Variants in GLI2 observed in about 807,000 individuals in gnomAD.
GLI2 encodes the protein transcription activator GLI2.
Under a neutral mutation model 78.9 loss-of-function variants are expected in GLI2, and 22 were observed. That is an observed-to-expected ratio of 0.28 (90% CI 0.20 to 0.40). The LOEUF is 0.40. Among genes scored for constraint, GLI2 ranks in the 10% least tolerant of loss-of-function variants. The pLI is 1.00. For missense variants in GLI2, 2,097 were observed against 2,213.2 expected, an observed-to-expected ratio of 0.95 and a Z score of 1.05; for synonymous variants, 974 against 963.7, an observed-to-expected ratio of 1.01 and a Z score of -0.20.
At chr2:120,897,575 C>G (rs2104770853) in intron 2 of GLI2, among the ~76,000 whole-genome samples, 1 of 152,280 alleles carries the variant, frequency 6.6e-6, no homozygotes. Context: ...GGTTTCTAGT[C>G]TCCTCTGGAT....
intron 2 of GLI2, among the ~76,000 whole-genome samples, chr2:120,897,138 C>CCGCCA (rs1558866217): frequency 6.6e-6 from 1 of 152,228 alleles, no homozygotes; most frequent in African/African-American, 2.4e-5. Flanking sequence ...CACGCTCCAG[C>CCGCCA]CGCCACGCCC....
chr2:120,928,951 T>C (rs892296398), intron 3 of GLI2, among the ~76,000 whole-genome samples: 33 of 152,168 alleles, frequency 2.2e-4, no homozygotes, highest in African/African-American at 7.2e-4. Flanking sequence ...TAGTGTCTTT[T>C]TTTCCTGGTT....
At chr2:120,899,607 G>A (rs578260151) in intron 2 of GLI2, among the ~76,000 whole-genome samples, 1 of 152,288 alleles carries the variant, frequency 6.6e-6, no homozygotes, top group South Asian at 2.1e-4. Context: ...AACTGAGGGT[G>A]ACTGTGGGCG....
intron 3 of GLI2, among the ~76,000 whole-genome samples, chr2:120,944,494 C>T (rs1478652858): frequency 6.6e-6 from 1 of 152,244 alleles, no homozygotes; most frequent in Non-Finnish European, 1.5e-5. Context: ...AGTCCAGATT[C>T]TGCTTATCAG....
chr2:120,964,058 C>T (rs964682872), intron 5 of GLI2, among the ~76,000 whole-genome samples: 26 of 152,288 alleles, frequency 1.7e-4, no homozygotes, highest in African/African-American at 5.3e-4. Flanking sequence ...AGGATTTGGG[C>T]TCCTAATGCA....
intron 2 of GLI2, among the ~76,000 whole-genome samples, chr2:120,894,126 C>T (rs1677822927): frequency 6.6e-6 from 1 of 152,222 alleles, no homozygotes; most frequent in Admixed American, 6.5e-5. Context: ...CAGCTGAGTT[C>T]CTTTCTCTCT....
At chr2:120,780,804 C>T (rs1027775475) in intron 1 of GLI2, among the ~76,000 whole-genome samples, 1 of 152,222 alleles carries the variant, frequency 6.6e-6, no homozygotes, top group African/African-American at 2.4e-5. Flanking sequence ...ATGTGGTTCT[C>T]TCCTCTCCCA....
chr2:120,825,026 G>A (rs192051739), intron 2 of GLI2, among the ~76,000 whole-genome samples: 11 of 152,234 alleles, frequency 7.2e-5, no homozygotes, highest in African/African-American at 2.6e-4. Context: ...TATAGAGACA[G>A]GGTTTCAACT....
At chr2:120,841,320 C>T (rs1234634276) in intron 2 of GLI2, among the ~76,000 whole-genome samples, 1 of 152,170 alleles carries the variant, frequency 6.6e-6, no homozygotes, top group Non-Finnish European at 1.5e-5. Context: ...GGCTTCTACG[C>T]TCCATACTAA....
intron 3 of GLI2, among the ~76,000 whole-genome samples, chr2:120,946,769 G>A (rs1251939987): frequency 6.6e-6 from 1 of 152,188 alleles, no homozygotes; most frequent in Non-Finnish European, 1.5e-5. Context: ...CCTGGGATGG[G>A]GGCAAGTGTC....
chr2:120,989,712 C>A lies in GLI2; in HGVS notation c.3747C>A (p.Phe1249Leu). ...PSTISGALNQ[F>L]PQSCSNMPAK... Reference sequence around the variant, plus strand: ...CCATCAGTGGGGCCCTCAACCAGTTCCCCCAATCCTGCAGCAACATGCCAG... The same window carrying A: ...CCATCAGTGGGGCCCTCAACCAGTTACCCCAATCCTGCAGCAACATGCCAG... Residue 1249 changes from phenylalanine to leucine, a missense_variant, in exon 14 of 14, where the codon TTC becomes TTA. By Grantham distance (22) the Phe-to-Leu change is conservative. Transcript: ENST00000361492. 6.2e-7 allele frequency: 1 copy of A among 1,613,252 alleles called. No homozygotes were observed. The highest frequency in any genetic ancestry group is 8.5e-7 in the Non-Finnish European group (1 of 1,179,964).
chr2:120,799,691 C>T (rs1184191041), intron 2 of GLI2, among the ~76,000 whole-genome samples: 1 of 152,220 alleles, frequency 6.6e-6, no homozygotes, highest in African/African-American at 2.4e-5. Flanking sequence ...GTGTTGTCCA[C>T]AGTCTTTATG....
rs1684009578 is a variant in GLI2 at position 120,786,772 on chromosome 2, CGATTA to C, written c.-30-10518_-30-10514del. On this transcript the variant is annotated intron_variant, in intron 1 of 13. Transcript: ENST00000361492. ...GCCTCCTGCAGCAGACATTAGAAGTCGATTACTGCACTTTTCCTGACCTAAGAGAT... is the reference window on the plus strand; with the variant it reads ...GCCTCCTGCAGCAGACATTAGAAGTCCTGCACTTTTCCTGACCTAAGAGAT... Among the ~76,000 whole-genome samples, 3 of 152,272 alleles carry C rather than the reference CGATTA, an allele frequency of 2.0e-5. No homozygotes were observed. In the East Asian group the frequency reaches 5.8e-4, roughly 29 times the overall value.
chr2:120,923,408 T>G (rs1054558915), intron 2 of GLI2, among the ~76,000 whole-genome samples: 3 of 148,316 alleles, frequency 2.0e-5, no homozygotes, highest in Non-Finnish European at 4.5e-5. Flanking sequence ...AACATGCATG[T>G]ACATATACAC....
At chr2:120,919,058 G>A (rs568726920) in intron 2 of GLI2, among the ~76,000 whole-genome samples, 178 of 152,220 alleles carry the variant, frequency 1.2e-3, no homozygotes, top group Middle Eastern at 3.4e-3. Flanking sequence ...CTACACTAGC[G>A]CCTTCTTTTG....
rs527824387 is a variant in GLI2 at position 120,890,841 on chromosome 2, G to A, written c.149-36520G>A. Reference sequence around the variant, plus strand: ...GCTGGTGGGTTATAGCGAGGTGGGGGCACGGGTCCCCCCAAAGCTTGGCTT... The same window carrying A: ...GCTGGTGGGTTATAGCGAGGTGGGGACACGGGTCCCCCCAAAGCTTGGCTT... On this transcript the variant is annotated intron_variant, in intron 2 of 13. Transcript: ENST00000361492. Among the ~76,000 whole-genome samples, 4 of 152,292 alleles carry A rather than the reference G, an allele frequency of 2.6e-5. No homozygotes were observed. In the South Asian group the frequency reaches 8.3e-4, roughly 32 times the overall value.
In GLI2 at chr2:120,988,848, C is replaced by T; in HGVS notation, c.2883C>T (p.Ala961=). 1 of 1,488,784 alleles carries T rather than the reference C, an allele frequency of 6.7e-7. No homozygotes were observed. 92.2% of individuals were successfully genotyped at this position (1,488,784 alleles called of 1,614,324 possible). The stretch of plus-strand genomic sequence containing the variant: ...GCGACCCTGTGCGGCGGCCCGATGC[C>T]CTGTCCCTGCCGCGGGTGCAGCGCT... ...RASDPVRRPD[A]LSLPRVQRFH... is the part of the protein sequence containing the mutation. Residue 961 remains alanine, a synonymous_variant, in exon 14 of 14, where the codon GCC becomes GCT. Transcript: ENST00000361492.
At position 120,990,798 on chromosome 2, in the gene GLI2, T is replaced by G; in HGVS notation, c.*123T>G. On this transcript the variant is annotated 3_prime_UTR_variant, in exon 14 of 14. Coordinates refer to ENST00000361492, the MANE Select transcript of GLI2 (RefSeq NM_001374353.1). ...ATAGGCTTGAGGGGTTGTTGCGCAA[T>G]GGCCGCTTCAGATGACAGATGTTGT... The G allele has an allele frequency of 1.0e-5, 7 of 702,900 alleles. No individual in the cohort carries two copies. The highest frequency in any genetic ancestry group is 1.7e-5 in the Non-Finnish European group (7 of 421,856). 43.5% of individuals were successfully genotyped at this position (702,900 alleles called of 1,614,324 possible). A position where few individuals can be genotyped will look rare whatever the true frequency, so the allele number is the denominator to read the frequency against.
chr2:120,913,378 T>C (rs1678930648), intron 2 of GLI2, among the ~76,000 whole-genome samples: 1 of 152,246 alleles, frequency 6.6e-6, no homozygotes, highest in Non-Finnish European at 1.5e-5. Context: ...ATTTTTTTAC[T>C]GGTTCCATGT....
Sources: gnomAD v4.1 joint callset for allele counts (sites outside exome capture counted in the v4.1 genomes callset) on GRCh38, gnomAD v4.1.1 for gene constraint, MANE v1.5 for transcripts, NCBI Gene and HGNC (gene_info 2026-07-23, HGNC 2026-07-21) for gene names.